Variants in KCNIP4 observed in about 807,000 individuals in gnomAD.
KCNIP4 encodes Kv channel-interacting protein 4.
KCNIP4 carries 12 observed loss-of-function variants against 34.0 expected under a neutral mutation model. The observed-to-expected ratio is 0.35, with a 90% CI of 0.23 to 0.57. The LOEUF (loss-of-function observed/expected upper bound fraction) is 0.57. Ranked by LOEUF, KCNIP4 falls within the 20% of genes least tolerant of loss-of-function variation. The probability of loss-of-function intolerance (pLI) is 0.83; values close to 1 mark genes in which losing one functional copy is unlikely to be tolerated. For synonymous variants in KCNIP4, 124 were observed against 102.2 expected (o/e 1.21, Z -1.29); for missense variants, 238 against 311.7 (o/e 0.76, Z 1.78).
intron 1 of KCNIP4, among the ~76,000 whole-genome samples, chr4:21,184,199 T>C (rs2109330894): frequency 6.6e-6 from 1 of 152,220 alleles, no homozygotes; most frequent in East Asian, 1.9e-4. Context: ...ATAAAAATAG[T>C]ACCTGCCTCA....
chr4:21,338,355 T>C (rs1296711504), intron 1 of KCNIP4, among the ~76,000 whole-genome samples: 4 of 151,260 alleles, frequency 2.6e-5, no homozygotes, highest in Admixed American at 2.0e-4. Flanking sequence ...TGGCTATACA[T>C]TGTGACATGG....
chr4:21,701,873 T>G (rs1400558294), intron 1 of KCNIP4, among the ~76,000 whole-genome samples: 1 of 152,012 alleles, frequency 6.6e-6, no homozygotes, highest in Non-Finnish European at 1.5e-5. Context: ...CCAGATAATT[T>G]TTATATTTTT....
At chr4:20,968,540 A>G (rs999525472) in intron 1 of KCNIP4, among the ~76,000 whole-genome samples, 6 of 152,118 alleles carry the variant, frequency 3.9e-5, no homozygotes, top group Non-Finnish European at 5.9e-5. Flanking sequence ...ATGTCCATCA[A>G]TGATAGACTG....
intron 1 of KCNIP4, among the ~76,000 whole-genome samples, chr4:21,794,289 G>A: frequency 6.6e-6 from 1 of 152,048 alleles, no homozygotes; most frequent in East Asian, 1.9e-4. Flanking sequence ...AAAAAGAAAA[G>A]AAAATATACC....
At chr4:21,071,854 C>G (rs1466900303) in intron 1 of KCNIP4, among the ~76,000 whole-genome samples, 1 of 152,124 alleles carries the variant, frequency 6.6e-6, no homozygotes, top group Non-Finnish European at 1.5e-5. Context: ...CAAGTGTTCT[C>G]ATTGTTCAAT....
chr4:21,141,588 A>G (rs2109211268), intron 1 of KCNIP4, among the ~76,000 whole-genome samples: 1 of 152,306 alleles, frequency 6.6e-6, no homozygotes, highest in East Asian at 1.9e-4. Flanking sequence ...ATGTAGAAAC[A>G]TGTAGAGTCT....
intron 1 of KCNIP4, among the ~76,000 whole-genome samples, chr4:21,047,251 T>A (rs1423529859): frequency 6.6e-6 from 1 of 152,194 alleles, no homozygotes; most frequent in Non-Finnish European, 1.5e-5. Context: ...TGGTCTTATG[T>A]TTTTAACAAG....
At chr4:21,375,712 G>A (rs910425382) in intron 1 of KCNIP4, among the ~76,000 whole-genome samples, 25 of 152,048 alleles carry the variant, frequency 1.6e-4, no homozygotes, top group African/African-American at 5.3e-4. Context: ...GACTACAGGC[G>A]CCTGCCACCA....
chr4:20,758,987 G>T, intron 3 of KCNIP4, 97 bp from the exon 4 acceptor site: 1 of 854,428 alleles, frequency 1.2e-6, no homozygotes, highest in Non-Finnish European at 1.9e-6. Flanking sequence ...ATGCAAAGCT[G>T]CACCAAGAAA....
chr4:21,235,446 G>A (rs1759288048), intron 1 of KCNIP4, among the ~76,000 whole-genome samples: 1 of 152,070 alleles, frequency 6.6e-6, no homozygotes, highest in Admixed American at 6.6e-5. Flanking sequence ...CTGCTTCAGG[G>A]ATTTTGCATC....
At chr4:21,234,406 T>C (rs1449938014) in intron 1 of KCNIP4, among the ~76,000 whole-genome samples, 1 of 125,670 alleles carries the variant, frequency 8.0e-6, no homozygotes, top group African/African-American at 3.0e-5. Context: ...TAATATATTA[T>C]ATAACATATA....
At chr4:20,892,758 C>T (rs999974396) in intron 1 of KCNIP4, among the ~76,000 whole-genome samples, 1 of 152,126 alleles carries the variant, frequency 6.6e-6, no homozygotes, top group Non-Finnish European at 1.5e-5. Context: ...TTTCTAAAGC[C>T]GCTTCTAAGT....
At chr4:21,721,821 G>A (rs1266390699) in intron 1 of KCNIP4, among the ~76,000 whole-genome samples, 3 of 151,978 alleles carry the variant, frequency 2.0e-5, no homozygotes, top group Non-Finnish European at 2.9e-5. Context: ...AATTATGCCC[G>A]TCTCCATAAT....
chr4:21,602,364 C>T (rs773188855), intron 1 of KCNIP4, among the ~76,000 whole-genome samples: 4 of 152,126 alleles, frequency 2.6e-5, no homozygotes, highest in Non-Finnish European at 5.9e-5. Context: ...CTGCATATAA[C>T]ACGGTTCTCC....
intron 1 of KCNIP4, among the ~76,000 whole-genome samples, chr4:21,837,527 G>T (rs1419886933): frequency 5.0e-5 from 1 of 19,982 alleles, no homozygotes; most frequent in African/African-American, 3.0e-4. Context: ...AGAGCAAAAC[G>T]CTGTCAAAAA....
At chr4:21,253,361 G>C (rs78911362) in intron 1 of KCNIP4, among the ~76,000 whole-genome samples, 3,295 of 152,216 alleles carry the variant, frequency 0.022, 87 homozygotes, top group East Asian at 0.16. Context: ...TAATCTTCTG[G>C]AGAAAGAAAA....
intron 1 of KCNIP4, among the ~76,000 whole-genome samples, chr4:21,380,524 A>G (rs2109473576): frequency 6.6e-6 from 1 of 151,826 alleles, no homozygotes; most frequent in Non-Finnish European, 1.5e-5. Context: ...TTCTAGTTTT[A>G]AGGTCAAGTA....
At chr4:20,839,074 G>A (rs1719399534) in intron 3 of KCNIP4, among the ~76,000 whole-genome samples, 1 of 152,092 alleles carries the variant, frequency 6.6e-6, no homozygotes, top group Non-Finnish European at 1.5e-5. Context: ...CCACAATAAA[G>A]GCACTATTTT....
intron 1 of KCNIP4, among the ~76,000 whole-genome samples, chr4:21,252,933 A>C (rs1760820617): frequency 6.6e-6 from 1 of 152,132 alleles, no homozygotes. Context: ...CTTTCCTATC[A>C]TCTATGAGAT....
Sources: gnomAD v4.1 joint callset for allele counts (sites outside exome capture counted in the v4.1 genomes callset) on GRCh38, gnomAD v4.1.1 for gene constraint, MANE v1.5 for transcripts, NCBI Gene and HGNC (gene_info 2026-07-23, HGNC 2026-07-21) for gene names.